Variants in ASPM observed in about 807,000 individuals in gnomAD.
ASPM encodes abnormal spindle-like microcephaly-associated protein.
A neutral mutation model predicts 366.4 loss-of-function variants in ASPM; 256 were observed. The observed-to-expected ratio is 0.70, with a 90% CI of 0.63 to 0.77. The LOEUF (loss-of-function observed/expected upper bound fraction) is 0.77, where lower values mean the gene tolerates loss of function less well. Among genes scored for constraint, ASPM ranks in the 30% least tolerant of loss-of-function variants. The pLI, the probability that ASPM is intolerant of heterozygous loss-of-function variation, is 0.00. For synonymous variants in ASPM, 1,414 were observed against 1,342.9 expected (o/e 1.05, Z -1.16); for missense variants, 4,146 against 4,090.4 (o/e 1.01, Z -0.37).
chr1:197,135,926 C>A (rs1196898899), intron 4 of ASPM, among the ~76,000 whole-genome samples: 5 of 152,082 alleles, frequency 3.3e-5, no homozygotes, highest in Admixed American at 6.6e-5. Context: ...GCACTCCAGC[C>A]TGGGCAACAG....
In ASPM at chr1:197,090,230, G is replaced by T; in HGVS notation, c.9795C>A (p.His3265Gln). The change falls in exon 24 of 28, where the codon CAC becomes CAA. Residue 3265 changes from histidine (H) to glutamine (Q), a missense_variant. By Grantham distance (24) the His-to-Gln change is conservative (BLOSUM62 0). Around this residue, in one of 3 missense-constraint regions of ASPM, gnomAD observed 3,624 missense variants for 3,591.7 expected, o/e 1.01. Transcript: ENST00000367409. ...LALHYLLTYKHLSAILEALKH... is the reference protein window; with the variant it reads ...LALHYLLTYKQLSAILEALKH... ...TTAAGGCCTCAAGAATGGCAGAAAG[G>T]TGCTTATATGTCAAAAGGTAATGAA... The T allele has an allele frequency of 6.2e-7, 1 of 1,613,468 alleles. No homozygotes were observed. Among genetic ancestry groups the T allele is most frequent in the Non-Finnish European group, 8.5e-7 (1 of 1,179,680 alleles).
intron 12 of ASPM, 131 bp downstream of exon 12, chr1:197,124,737 TCA>T (rs950195915): frequency 1.0e-5 from 7 of 686,080 alleles, no homozygotes; most frequent in African/African-American, 9.2e-5. Context: ...ATAGCATTTA[TCA>T]CAGTTACTGG....
chr1:197,129,372 T>A, intron 8 of ASPM, 55 bp from the exon 9 acceptor site: 2 of 1,555,600 alleles, frequency 1.3e-6, no homozygotes, highest in East Asian at 2.3e-5. Context: ...GTAGGTTTCA[T>A]CTTAAAATAT....
chr1:197,113,458 A>C (rs563104598), intron 17 of ASPM, among the ~76,000 whole-genome samples: 13 of 152,322 alleles, frequency 8.5e-5, no homozygotes, highest in Admixed American at 7.8e-4. Context: ...ATGCTGAAAC[A>C]ACTGGATAGC....
In ASPM at chr1:197,103,854, C is replaced by A. The variant is rs1201139849; in HGVS notation, c.5397G>T (p.Leu1799Phe). The A allele has an allele frequency of 1.2e-6, 2 of 1,612,844 alleles. No homozygotes were observed. ...KAQVNQRKNF[L>F]QVKKAATCLQ... ...AGCAAGTAGCTGCTTTTTTGACTTG[C>A]AAGAAGTTCTTCCTCTGATTGACCT... Residue 1799 changes from leucine to phenylalanine, a missense_variant, in exon 18 of 28, where the codon TTG becomes TTT. Physicochemically the swap from Leu to Phe is conservative, Grantham distance 22 (BLOSUM62 0). This residue lies in a region of ASPM where 3,624 missense variants were observed against 3,591.7 expected (regional missense o/e 1.01). Coordinates refer to ENST00000367409, the MANE Select transcript of ASPM (RefSeq NM_018136.5).
Position 197,127,385 on chromosome 1 carries a change from C to T in ASPM, c.2936+1105G>A, listed in dbSNP as rs114464473. 4.5e-3 allele frequency among the ~76,000 whole-genome samples: 683 copies of T among 152,238 alleles called. 5 individuals carry two copies. The highest frequency in any genetic ancestry group is 0.016 in the African/African-American group (653 of 41,540). ...CTGTAGCAGAGATATTTTATAAAGA[C>T]CATTAAATCTGTGCTCCCCATACGT... On this transcript the variant is annotated intron_variant, in intron 10 of 27. Transcript: ENST00000367409.
At position 197,103,777 on chromosome 1, in the gene ASPM, G is replaced by T. The variant is rs1036028701; in HGVS notation, c.5474C>A (p.Ser1825Tyr). ...AGACTGAATTTTAAGAGCAGCTATA[G>T]ATTGTTGTTTGATTAGCTGGCGTAC... ...YKVRQLIKQQ[S>Y]IAALKIQSAF... The change falls in exon 18 of 28, where the codon TCT becomes TAT. Residue 1825 changes from serine (S) to tyrosine (Y), a missense_variant. Physicochemically the swap from Ser to Tyr is moderately radical, Grantham distance 144. Around this residue, in one of 3 missense-constraint regions of ASPM, gnomAD observed 3,624 missense variants for 3,591.7 expected, o/e 1.01. Coordinates refer to ENST00000367409, the MANE Select transcript of ASPM (RefSeq NM_018136.5). The T allele has an allele frequency of 1.9e-6, 3 of 1,612,940 alleles. No individual in the cohort carries two copies. The highest frequency in any genetic ancestry group is 2.5e-6 in the Non-Finnish European group (3 of 1,179,380).
intron 21 of ASPM, 132 bp downstream of exon 21, chr1:197,092,920 A>T (rs1007218566): frequency 3.7e-5 from 30 of 810,006 alleles, no homozygotes; most frequent in Non-Finnish European, 5.9e-5. Flanking sequence ...CCTTTCTAGC[A>T]GCTGAATTAA....
chr1:197,126,330 A>G (rs1658087487), intron 10 of ASPM, among the ~76,000 whole-genome samples: 2 of 151,326 alleles, frequency 1.3e-5, no homozygotes, highest in Non-Finnish European at 2.9e-5. Context: ...AGTCCCAGCT[A>G]CTCATGGAGC....
chr1:197,090,781 A>T, intron 23 of ASPM, 69 bp downstream of exon 23: 1 of 1,396,098 alleles, frequency 7.2e-7, no homozygotes, highest in Non-Finnish European at 1.0e-6. Flanking sequence ...ATGTTTTTAT[A>T]GTGTTAGATA....
chr1:197,094,026 C>G, intron 20 of ASPM, 58 bp downstream of exon 20: 1 of 1,115,430 alleles, frequency 9.0e-7, no homozygotes, highest in Non-Finnish European at 1.3e-6. Context: ...ACAAAACATT[C>G]TTTGTTTTCT....
At position 197,102,484 on chromosome 1, in the gene ASPM, C is replaced by T. The variant is rs937410431; in HGVS notation, c.6767G>A (p.Arg2256Lys). 2.5e-6 allele frequency: 4 copies of T among 1,612,720 alleles called. No homozygotes were observed. Among genetic ancestry groups the T allele is most frequent in the Non-Finnish European group, 3.4e-6 (4 of 1,179,276 alleles). Residue 2256 changes from arginine (R) to lysine (K), a missense_variant, in exon 18 of 28, where the codon AGA becomes AAA. By Grantham distance (26) the Arg-to-Lys change is conservative (BLOSUM62 2). Around this residue, in one of 3 missense-constraint regions of ASPM, gnomAD observed 3,624 missense variants for 3,591.7 expected, o/e 1.01. Coordinates refer to ENST00000367409, the MANE Select transcript of ASPM (RefSeq NM_018136.5). ...IQAIFRGKKA[R>K]RHLKMMHIAA... The stretch of plus-strand genomic sequence containing the variant: ...TATATGCATCATTTTTAAATGTCTT[C>T]TAGCTTTCTTTCCCCTAAAAATAGC...
At chr1:197,106,248 A>G (rs898985909) in intron 17 of ASPM, among the ~76,000 whole-genome samples, 1 of 152,002 alleles carries the variant, frequency 6.6e-6, no homozygotes, top group Non-Finnish European at 1.5e-5. Flanking sequence ...GGTTTTGTTC[A>G]TACTCTTCAA....
At position 197,143,417 on chromosome 1, in the gene ASPM, T is replaced by C; in HGVS notation, c.835A>G (p.Thr279Ala). The C allele has an allele frequency of 6.2e-7, 1 of 1,614,010 alleles. No homozygotes were observed. Among genetic ancestry groups the C allele is most frequent in the South Asian group, 1.1e-5 (1 of 91,082 alleles). Residue 279 changes from threonine to alanine, a missense_variant, in exon 3 of 28, where the codon ACT becomes GCT. By Grantham distance (58) the Thr-to-Ala change is moderately conservative. Coordinates refer to ENST00000367409, the MANE Select transcript of ASPM (RefSeq NM_018136.5). ...TTAACATTTACGGAATTAAAGGAAG[T>C]TTCAGTTACAGCTTTCTCATTAAAA... ...VSFNEKAVTE[T>A]SFNSVNVNGQ...
chr1:197,098,661 T>C (rs1657058801), intron 18 of ASPM, among the ~76,000 whole-genome samples: 1 of 151,678 alleles, frequency 6.6e-6, no homozygotes, highest in Non-Finnish European at 1.5e-5. Flanking sequence ...ATTAATCTCT[T>C]ACCTTTCTTC....
chr1:197,100,087 A>C (rs1657103533), intron 18 of ASPM, among the ~76,000 whole-genome samples: 1 of 151,734 alleles, frequency 6.6e-6, no homozygotes, highest in South Asian at 2.1e-4. Flanking sequence ...TATTATGCCA[A>C]ATAATACTTT....
In ASPM at chr1:197,093,262, C is replaced by G; in HGVS notation, c.9085-1G>C. ...GGATCAAACAAGCAGCTCGATGTCT[C>G]TATAAGGAAAAATTTACAAGTAACA... On this transcript the variant is annotated splice_acceptor_variant, in intron 20 of 27. Coordinates refer to ENST00000367409, the MANE Select transcript of ASPM (RefSeq NM_018136.5). LOFTEE classifies it high-confidence loss of function. 1 of 1,610,382 alleles carries G rather than the reference C, an allele frequency of 6.2e-7. No homozygotes were observed. Among genetic ancestry groups the G allele is most frequent in the South Asian group, 1.1e-5 (1 of 91,012 alleles).
chr1:197,093,518 T>C (rs1203448242), intron 20 of ASPM, among the ~76,000 whole-genome samples: 1 of 151,824 alleles, frequency 6.6e-6, no homozygotes, highest in African/African-American at 2.4e-5. Flanking sequence ...TCTTGATACT[T>C]TTCATTGTGA....
chr1:197,101,514 A>C lies in ASPM; in HGVS notation c.7737T>G (p.Ala2579=). ...QYCFYQKLQW[A]TKIIQEKYRA... ...TATATTTTTCTTGTATGATTTTTGT[A>C]GCCCACTGAAGCTTTTGGTAGAAAC... The change falls in exon 18 of 28, where the codon GCT becomes GCG. Residue 2579 remains alanine, a synonymous_variant. Coordinates refer to ENST00000367409, the MANE Select transcript of ASPM (RefSeq NM_018136.5). 6.2e-7 allele frequency: 1 copy of C among 1,609,452 alleles called. No individual in the cohort carries two copies. Among genetic ancestry groups the C allele is most frequent in the Non-Finnish European group, 8.5e-7 (1 of 1,179,026 alleles).
Sources: allele counts gnomAD v4.1 joint callset (sites outside exome capture counted in the v4.1 genomes callset), GRCh38; gene constraint gnomAD v4.1.1; regional missense constraint gnomAD v4.1.1; transcripts MANE v1.5; gene names NCBI Gene and HGNC (gene_info 2026-07-23, HGNC 2026-07-21).